Variants in MCF2L2 observed in about 807,000 individuals in gnomAD.
MCF2L2 encodes the protein MCF.2 cell line derived transforming sequence-like 2.
Under a neutral mutation model 150.2 loss-of-function variants are expected in MCF2L2, and 102 were observed. That is an observed-to-expected ratio of 0.68 (90% CI 0.58 to 0.80). MCF2L2 has a LOEUF of 0.80. MCF2L2 is among the 30% of genes least tolerant of loss of function. The pLI, the probability that MCF2L2 is intolerant of heterozygous loss-of-function variation, is 0.00. For missense variants in MCF2L2, 1,256 were observed against 1,372.8 expected, an observed-to-expected ratio of 0.91 and a Z score of 1.34; for synonymous variants, 465 against 491.3, an observed-to-expected ratio of 0.95 and a Z score of 0.71.
chr3:183,397,355 C>A (rs556826514), intron 1 of MCF2L2, among the ~76,000 whole-genome samples: 1 of 152,190 alleles, frequency 6.6e-6, no homozygotes, highest in African/African-American at 2.4e-5. Context: ...GGTGGAAGGG[C>A]GAAAGGGGTG....
chr3:183,219,923 C>A lies in MCF2L2; in HGVS notation c.2303G>T (p.Gly768Val). The change falls in exon 21 of 30, where the codon GGT becomes GTT. Residue 768 changes from glycine to valine, a missense_variant and splice_region_variant. By Grantham distance (109) the Gly-to-Val change is moderately radical. Transcript: ENST00000328913. Reference protein sequence around the residue: ...RLIKYQMLLKGLLDFESPEDM... With the variant: ...RLIKYQMLLKVLLDFESPEDM... ...TTCAGGAGACTCGAAATCCAGCAGACCCTGCATTAACCCAAAAGTCTTGTT... is the reference window on the plus strand; with the variant it reads ...TTCAGGAGACTCGAAATCCAGCAGAACCTGCATTAACCCAAAAGTCTTGTT... The A allele has an allele frequency of 6.2e-7, 1 of 1,611,376 alleles. No homozygotes were observed. The highest frequency in any genetic ancestry group is 1.7e-4 in the Middle Eastern group (1 of 6,056).
chr3:183,375,014 G>C (rs1713115492), intron 3 of MCF2L2: 1 of 152,154 alleles, frequency 6.6e-6, no homozygotes, highest in Non-Finnish European at 1.5e-5. Flanking sequence ...AACAGCCTAA[G>C]GATACTACAA....
At chr3:183,349,414 T>C (rs1731024134) in intron 3 of MCF2L2, among the ~76,000 whole-genome samples, 1 of 152,236 alleles carries the variant, frequency 6.6e-6, no homozygotes, top group African/African-American at 2.4e-5. Context: ...AAAAATGTTT[T>C]CTCACTTCCT....
intron 22 of MCF2L2, among the ~76,000 whole-genome samples, chr3:183,211,113 C>T (rs1055276960): frequency 4.6e-5 from 7 of 151,924 alleles, no homozygotes; most frequent in African/African-American, 4.8e-5. Context: ...AAGAAACTGA[C>T]GGAAGGGAAA....
intron 3 of MCF2L2, among the ~76,000 whole-genome samples, chr3:183,358,889 G>A (rs141114407): frequency 0.014 from 2,156 of 152,030 alleles, 92 homozygotes; most frequent in Admixed American, 0.077. Context: ...CGAAGTGCTG[G>A]GATTACAGGG....
At position 183,305,588 on chromosome 3, in the gene MCF2L2, C is replaced by T. The variant is rs980180049; in HGVS notation, c.1113+4128G>A. ...TGAGGAGGCCGGGCGCAGTGGGTCA[C>T]GCCTGTAATCCCAGCACTTTGGGAA... On this transcript the variant is annotated intron_variant, in intron 10 of 29. Transcript: ENST00000328913. The surrounding 1 kb of genome is among the most constrained non-coding windows in gnomAD (Gnocchi z 4.1). Among the ~76,000 whole-genome samples the T allele has an allele frequency of 8.5e-5, 13 of 152,178 alleles. No individual in the cohort carries two copies. The highest frequency in any genetic ancestry group is 2.7e-4 in the African/African-American group (11 of 41,442).
intron 15 of MCF2L2, among the ~76,000 whole-genome samples, chr3:183,256,779 A>G (rs1725079361): frequency 6.6e-6 from 1 of 152,230 alleles, no homozygotes; most frequent in Non-Finnish European, 1.5e-5. Flanking sequence ...TTAGAGGACC[A>G]TATAATCTTA....
rs144915150 is a variant in MCF2L2, at chr3:183,228,026, T to TACACACACACAC, written c.2115+270_2115+271insGTGTGTGTGTGT. 314 of 140,298 alleles carry TACACACACACAC rather than the reference T, an allele frequency of 2.2e-3. 1 individual carries two copies. The highest frequency in any genetic ancestry group is 0.02 in the Admixed American group (210 of 10,270). The allele number at this position is 140,298 out of a possible 1,614,324, so 8.7% of individuals were successfully genotyped here. A position where few individuals can be genotyped will look rare whatever the true frequency, so the allele number is the denominator to read the frequency against. On this transcript the variant is annotated intron_variant, in intron 18 of 29. Transcript: ENST00000328913. ...TGTTTTTGGATTATATATATATACATATACACACACACACACACACAATGG... is the reference window on the plus strand; with the variant it reads ...TGTTTTTGGATTATATATATATACATACACACACACACATACACACACACACACACACAATGG...
At chr3:183,323,794 C>CAA (rs77727862) in intron 5 of MCF2L2, among the ~76,000 whole-genome samples, 17,572 of 127,420 alleles carry the variant, frequency 0.14, 1,209 homozygotes, top group African/African-American at 0.16. Context: ...AAGACCACAT[C>CAA]AAAAAAAAAA....
At chr3:183,195,403 A>T in intron 25 of MCF2L2, 148 bp from the exon 26 acceptor site, 1 of 581,782 alleles carries the variant, frequency 1.7e-6, no homozygotes, top group Non-Finnish European at 3.0e-6. Flanking sequence ...ATATTTTCCC[A>T]GGAATTCAGA....
At position 183,283,374 on chromosome 3, in the gene MCF2L2, A is replaced by G. The variant is rs1299417341; in HGVS notation, c.1776+5746T>C. On this transcript the variant is annotated intron_variant, in intron 14 of 29. Coordinates refer to ENST00000328913, the MANE Select transcript of MCF2L2 (RefSeq NM_015078.4). This position sits in a 1 kb window ranked among gnomAD's most constrained non-coding sequence, Gnocchi z 4.2. ...CTCCTCCTGTCAACATTCCTCAACC[A>G]AAGCCTCAGTAAACTGTCTCTCATC... is the stretch of plus-strand genomic sequence containing the variant. Among the ~76,000 whole-genome samples, 1 of 152,038 alleles carries G rather than the reference A, an allele frequency of 6.6e-6. No individual in the cohort carries two copies. The highest frequency in any genetic ancestry group is 1.5e-5 in the Non-Finnish European group (1 of 68,010).
At chr3:183,386,993 C>T (rs753722993) in intron 2 of MCF2L2, among the ~76,000 whole-genome samples, 3 of 152,214 alleles carry the variant, frequency 2.0e-5, no homozygotes, top group Non-Finnish European at 2.9e-5. Context: ...CTCTGGCTCA[C>T]GCCTGTAATC....
chr3:183,244,943 T>C (rs1018247323), intron 15 of MCF2L2, among the ~76,000 whole-genome samples: 4 of 151,576 alleles, frequency 2.6e-5, no homozygotes, highest in African/African-American at 4.8e-5. Context: ...CATGGTGTTA[T>C]AAAAACACAG....
chr3:183,187,229 C>T (rs529833445), intron 27 of MCF2L2, among the ~76,000 whole-genome samples: 9 of 152,220 alleles, frequency 5.9e-5, no homozygotes, highest in Admixed American at 2.0e-4. Flanking sequence ...CGTGCTATAC[C>T]GGATAGCTCC....
In MCF2L2 at chr3:183,216,045, T is replaced by C; in HGVS notation, c.2420A>G (p.Gln807Arg). ...CAAATCCTCTATCACTGCCAAAGCT[T>C]GTTGTAGTTCAGTTGAGAATGCTGA... Reference protein sequence around the residue: ...KDSAFSTELQQALAVIEDLIK... With the variant: ...KDSAFSTELQRALAVIEDLIK... Residue 807 changes from glutamine to arginine, a missense_variant, in exon 22 of 30, where the codon CAA becomes CGA. By Grantham distance (43) the Gln-to-Arg change is conservative (BLOSUM62 1). Coordinates refer to ENST00000328913, the MANE Select transcript of MCF2L2 (RefSeq NM_015078.4). 2 of 1,614,024 alleles carry C rather than the reference T, an allele frequency of 1.2e-6. No individual in the cohort carries two copies. The highest frequency in any genetic ancestry group is 1.7e-6 in the Non-Finnish European group (2 of 1,179,918).
At chr3:183,328,144 G>A (rs989309779) in intron 5 of MCF2L2, among the ~76,000 whole-genome samples, 39 of 152,218 alleles carry the variant, frequency 2.6e-4, no homozygotes, top group African/African-American at 9.2e-4. Flanking sequence ...CCAAGGTCCT[G>A]GAAGGGTGGT....
chr3:183,282,442 T>C (rs973860861), intron 14 of MCF2L2, among the ~76,000 whole-genome samples: 1 of 152,200 alleles, frequency 6.6e-6, no homozygotes, highest in African/African-American at 2.4e-5. Context: ...CTAAACGCTA[T>C]TGGCAATAGT....
chr3:183,233,740 T>C (rs1214238295), intron 15 of MCF2L2, among the ~76,000 whole-genome samples: 1 of 152,152 alleles, frequency 6.6e-6, no homozygotes, highest in African/African-American at 2.4e-5. Context: ...TATACCCTTC[T>C]ACAATCTTTT....
intron 6 of MCF2L2, among the ~76,000 whole-genome samples, chr3:183,319,161 A>C (rs1397825316): frequency 6.6e-6 from 1 of 152,238 alleles, no homozygotes; most frequent in African/African-American, 2.4e-5. Context: ...GAATATTCTA[A>C]ATCCTTTGTT....
Sources: allele counts gnomAD v4.1 joint callset (sites outside exome capture counted in the v4.1 genomes callset), GRCh38; gene constraint gnomAD v4.1.1; non-coding constraint Gnocchi (gnomAD v3.1); transcripts MANE v1.5; gene names NCBI Gene and HGNC (gene_info 2026-07-23, HGNC 2026-07-21).